Variants in FBXL7 observed in about 807,000 individuals in gnomAD.
FBXL7 encodes the protein F-box/LRR-repeat protein 7.
Under a neutral mutation model 38.3 loss-of-function variants are expected in FBXL7, and 12 were observed. The observed-to-expected ratio is 0.31, with a 90% CI of 0.20 to 0.51. The LOEUF is 0.51. FBXL7 is among the 20% of genes least tolerant of loss of function. The pLI is 0.98. For missense variants in FBXL7, 567 were observed against 676.4 expected (o/e 0.84, Z 1.79); for synonymous variants, 297 against 300.9 (o/e 0.99, Z 0.13).
chr5:15,800,519 A>C (rs1032147697), intron 2 of FBXL7, among the ~76,000 whole-genome samples: 3 of 152,264 alleles, frequency 2.0e-5, no homozygotes, highest in Non-Finnish European at 4.4e-5. Context: ...GAAAATGGTC[A>C]CTAATGTTGA....
intron 2 of FBXL7, among the ~76,000 whole-genome samples, chr5:15,790,988 G>A (rs995493437): frequency 2.6e-5 from 4 of 151,472 alleles, no homozygotes; most frequent in African/African-American, 9.7e-5. Flanking sequence ...GAATGGGGTG[G>A]CCTGGTAGGG....
chr5:15,644,128 A>C (rs1741452555), intron 2 of FBXL7, among the ~76,000 whole-genome samples: 1 of 152,118 alleles, frequency 6.6e-6, no homozygotes, highest in East Asian at 1.9e-4. Context: ...TAGTCATATT[A>C]TTTGTCCCTA....
chr5:15,811,714 A>G (rs968430775), intron 2 of FBXL7, among the ~76,000 whole-genome samples: 14 of 152,114 alleles, frequency 9.2e-5, no homozygotes, highest in African/African-American at 3.4e-4. Context: ...AGACATTTAT[A>G]TGGCCAAAAA....
In FBXL7 at chr5:15,928,199, A is replaced by C. The variant is rs201995635; in HGVS notation, c.437A>C (p.Asn146Thr). ...RCARVCRRWY[N>T]LAWDPRLWRT... ...GCGCGAGTGTGCCGCCGCTGGTACAACCTGGCCTGGGACCCGCGGCTCTGG... is the reference window on the plus strand; with the variant it reads ...GCGCGAGTGTGCCGCCGCTGGTACACCCTGGCCTGGGACCCGCGGCTCTGG... Residue 146 changes from asparagine to threonine, a missense_variant, in exon 3 of 4, where the codon AAC becomes ACC. Transcript: ENST00000504595. The surrounding 1 kb of genome is among the most constrained non-coding windows in gnomAD (Gnocchi z 4.0). The C allele has an allele frequency of 6.2e-7, 1 of 1,610,076 alleles. No individual in the cohort carries two copies. Among genetic ancestry groups the C allele is most frequent in the Admixed American group, 1.7e-5 (1 of 59,484 alleles).
chr5:15,565,332 C>T (rs906232899), intron 1 of FBXL7, among the ~76,000 whole-genome samples: 3 of 152,058 alleles, frequency 2.0e-5, no homozygotes, highest in African/African-American at 7.2e-5. Context: ...CATCCTCATT[C>T]AGCCAAACTA....
At chr5:15,686,115 C>G (rs991101533) in intron 2 of FBXL7, among the ~76,000 whole-genome samples, 1 of 152,258 alleles carries the variant, frequency 6.6e-6, no homozygotes, top group South Asian at 2.1e-4. Flanking sequence ...GAAACCTCCA[C>G]TGGATGCTAG....
At chr5:15,713,772 A>G (rs1452342009) in intron 2 of FBXL7, among the ~76,000 whole-genome samples, 1 of 152,224 alleles carries the variant, frequency 6.6e-6, no homozygotes, top group East Asian at 1.9e-4. Context: ...GCAGTGCACA[A>G]TAATGAAAAC....
At chr5:15,512,121 T>C (rs1736811358) in intron 1 of FBXL7, among the ~76,000 whole-genome samples, 1 of 152,220 alleles carries the variant, frequency 6.6e-6, no homozygotes, top group Non-Finnish European at 1.5e-5. Context: ...TTTATTTTCT[T>C]CAGTCTTCTC....
chr5:15,730,753 T>C (rs931566924), intron 2 of FBXL7, among the ~76,000 whole-genome samples: 2 of 152,226 alleles, frequency 1.3e-5, no homozygotes, highest in African/African-American at 2.4e-5. Context: ...CAATTAGATA[T>C]ATGATACAAA....
intron 2 of FBXL7, among the ~76,000 whole-genome samples, chr5:15,694,613 GAGGAATAGCTGT>G (rs1347183200): frequency 2.0e-5 from 3 of 152,142 alleles, no homozygotes; most frequent in Non-Finnish European, 4.4e-5. Context: ...GGCTGCCCTC[GAGGAATAGCTGT>G]AGGACACAGG....
At chr5:15,885,731 T>TG (rs1482872082) in intron 2 of FBXL7, among the ~76,000 whole-genome samples, 1 of 152,208 alleles carries the variant, frequency 6.6e-6, no homozygotes, top group East Asian at 1.9e-4. Flanking sequence ...TTTATTTTTT[T>TG]GAGACAGGTC....
chr5:15,694,417 C>T (rs866435404), intron 2 of FBXL7, among the ~76,000 whole-genome samples: 1 of 152,180 alleles, frequency 6.6e-6, no homozygotes, highest in Non-Finnish European at 1.5e-5. Flanking sequence ...TCCTTTGTCC[C>T]TAGCCTGACA....
chr5:15,654,899 A>G lies in FBXL7; in HGVS notation c.127+38827A>G, dbSNP rs142927308. Among the ~76,000 whole-genome samples the G allele has an allele frequency of 1.7e-3, 264 of 152,354 alleles. 2 individuals carry two copies. The highest frequency in any genetic ancestry group is 5.8e-3 in the African/African-American group (240 of 41,584). On this transcript the variant is annotated intron_variant, in intron 2 of 3. Coordinates refer to ENST00000504595, the MANE Select transcript of FBXL7 (RefSeq NM_012304.5). ...CTGATTATAAGTCTCTATAAACTACATGTTGAAAATTGTGAATATTCATTT... is the reference window on the plus strand; with the variant it reads ...CTGATTATAAGTCTCTATAAACTACGTGTTGAAAATTGTGAATATTCATTT...
rs558997111 is a variant in FBXL7 at position 15,904,429 on chromosome 5, C to T, written c.128-23461C>T. 3.9e-5 allele frequency among the ~76,000 whole-genome samples: 6 copies of T among 152,220 alleles called. No individual in the cohort carries two copies. In the South Asian group the frequency reaches 6.2e-4, roughly 16 times the overall value. ...CTCTTTGTGGATTTTGTGGCAAAAGCAGAGATTCCTTGCTATGATTATTAG... is the reference window on the plus strand; with the variant it reads ...CTCTTTGTGGATTTTGTGGCAAAAGTAGAGATTCCTTGCTATGATTATTAG... On this transcript the variant is annotated intron_variant, in intron 2 of 3. Transcript: ENST00000504595.
rs553373000 is a variant in FBXL7, at chr5:15,500,280, G to T, written c.-397G>T. On this transcript the variant is annotated 5_prime_UTR_variant, in exon 1 of 4. Transcript: ENST00000504595. ...GCGCGCAGGGGCAGCCGAAGGAGGC[G>T]GTCGAGCCGCGGAGCCCAGGGGCCT... 2 of 151,688 alleles carry T rather than the reference G, an allele frequency of 1.3e-5. No homozygotes were observed. The highest frequency in any genetic ancestry group is 4.8e-5 in the African/African-American group (2 of 41,352). The allele number at this position is 151,688 out of a possible 1,614,324, so 9.4% of individuals were successfully genotyped here. A position where few individuals can be genotyped will look rare whatever the true frequency, so the allele number is the denominator to read the frequency against.
In FBXL7 at chr5:15,631,664, C is replaced by A. The variant is rs1441775512; in HGVS notation, c.127+15592C>A. Among the ~76,000 whole-genome samples the A allele has an allele frequency of 5.7e-5, 5 of 87,718 alleles. No individual in the cohort carries two copies. In the East Asian group the frequency reaches 1.8e-3, roughly 32 times the overall value. The allele number at this position is 87,718 out of a possible 152,430, so 57.5% of individuals were successfully genotyped here. Reference sequence around the variant, plus strand: ...TACAGCCTGGGCAACAAGAGCGAGACTCCAAAAAAAAAAAAAAAAAAAAAA... The same window carrying A: ...TACAGCCTGGGCAACAAGAGCGAGAATCCAAAAAAAAAAAAAAAAAAAAAA... On this transcript the variant is annotated intron_variant, in intron 2 of 3. Transcript: ENST00000504595.
chr5:15,812,466 T>C (rs940004635), intron 2 of FBXL7, among the ~76,000 whole-genome samples: 1 of 152,188 alleles, frequency 6.6e-6, no homozygotes, highest in African/African-American at 2.4e-5. Flanking sequence ...GAAACGAACC[T>C]GCGCATTCTG....
At chr5:15,632,824 G>A (rs898713093) in intron 2 of FBXL7, among the ~76,000 whole-genome samples, 28 of 152,148 alleles carry the variant, frequency 1.8e-4, no homozygotes, top group African/African-American at 5.8e-4. Context: ...GAGTACTCAC[G>A]GACATAAAGA....
At chr5:15,578,769 G>T (rs1739044645) in intron 1 of FBXL7, among the ~76,000 whole-genome samples, 1 of 152,190 alleles carries the variant, frequency 6.6e-6, no homozygotes, top group Admixed American at 6.5e-5. Flanking sequence ...AAATAAAAAT[G>T]TTAAACTTCT....
Sources: allele counts gnomAD v4.1 joint callset (sites outside exome capture counted in the v4.1 genomes callset), GRCh38; gene constraint gnomAD v4.1.1; non-coding constraint Gnocchi (gnomAD v3.1); transcripts MANE v1.5; gene names NCBI Gene and HGNC (gene_info 2026-07-23, HGNC 2026-07-21).